CD47: variants seen among roughly 807,000 people sequenced by gnomAD.
CD47 encodes the protein leukocyte surface antigen CD47.
A neutral mutation model predicts 44.6 loss-of-function variants in CD47; 11 were observed. That is an observed-to-expected ratio of 0.25 (90% confidence interval 0.16 to 0.41). CD47 has a LOEUF of 0.41. CD47 is among the 10% of genes least tolerant of loss of function. CD47 has a pLI of 1.00. For synonymous variants in CD47, 140 were observed against 136.3 expected (o/e 1.03, Z -0.19); for missense variants, 306 against 386.7 (o/e 0.79, Z 1.75).
chr3:108,074,326 A>G (rs1010156087), intron 2 of CD47, among the ~76,000 whole-genome samples: 2 of 150,340 alleles, frequency 1.3e-5, no homozygotes, highest in African/African-American at 4.9e-5. Context: ...TTTTTTTTTT[A>G]TTTTTGAGAT....
chr3:108,064,733 C>CTTACCA (rs971651325), intron 3 of CD47, among the ~76,000 whole-genome samples: 1 of 152,100 alleles, frequency 6.6e-6, no homozygotes, highest in Non-Finnish European at 1.5e-5. Flanking sequence ...GACAGGAAGG[C>CTTACCA]TTACCAGGCT....
At position 108,043,512 on chromosome 3, in the gene CD47, GC is replaced by G. The variant is rs2078663255; in HGVS notation, c.*3775del. The G allele has an allele frequency of 6.6e-6, 1 of 152,010 alleles. No individual in the cohort carries two copies. Among genetic ancestry groups the G allele is most frequent in the East Asian group, 1.9e-4 (1 of 5,188 alleles). 9.4% of individuals were successfully genotyped at this position (152,010 alleles called of 1,614,324 possible). A position where few individuals can be genotyped will look rare whatever the true frequency, so the allele number is the denominator to read the frequency against. On this transcript the variant is annotated 3_prime_UTR_variant, in exon 11 of 11. Coordinates refer to ENST00000361309, the MANE Select transcript of CD47 (RefSeq NM_001777.4). ...GTCTTCAAATCACTGCAAAAAAATG[GC>G]TACTGACAAATAGCACACCTTTAAT...
chr3:108,079,567 T>TAAAAAAAAAAAAAAAAAAA (rs71629342), intron 2 of CD47, among the ~76,000 whole-genome samples: 4 of 53,118 alleles, frequency 7.5e-5, no homozygotes, highest in East Asian at 1.0e-3. Flanking sequence ...AGTGTAAGGT[T>TAAAAAAAAAAAAAAAAAAA]AAAAAAAAAA....
chr3:108,090,479 G>A (rs1304109714), intron 1 of CD47, among the ~76,000 whole-genome samples: 1 of 152,168 alleles, frequency 6.6e-6, no homozygotes, highest in African/African-American at 2.4e-5. Context: ...AGAAGGGAGA[G>A]GGGTGCGAAA....
At chr3:108,089,998 G>A (rs912538554) in intron 1 of CD47, among the ~76,000 whole-genome samples, 1 of 151,096 alleles carries the variant, frequency 6.6e-6, no homozygotes, top group Non-Finnish European at 1.5e-5. Context: ...CCAAAAGCTC[G>A]GGGTGGGGGT....
rs189237826 is a variant in CD47 at position 108,051,286 on chromosome 3, C to T, written c.909+653G>A. Among the ~76,000 whole-genome samples, 3 of 152,240 alleles carry T rather than the reference C, an allele frequency of 2.0e-5. No individual in the cohort carries two copies. The East Asian group carries it at 5.8e-4, about 29-fold the overall frequency. ...TCCAGAGCTTATGTCCACAACATAC[C>T]TCTTGGGCCTGTCACTGTGATAAGT... On this transcript the variant is annotated intron_variant, in intron 8 of 10. Coordinates refer to ENST00000361309, the MANE Select transcript of CD47 (RefSeq NM_001777.4).
chr3:108,056,770 A>G (rs1055680312), intron 7 of CD47, among the ~76,000 whole-genome samples: 4 of 152,198 alleles, frequency 2.6e-5, no homozygotes, highest in African/African-American at 9.6e-5. Flanking sequence ...TCAATAAAAA[A>G]TAAGAATTTA....
At chr3:108,059,129 A>G (rs2078968955) in intron 5 of CD47, among the ~76,000 whole-genome samples, 1 of 152,238 alleles carries the variant, frequency 6.6e-6, no homozygotes, top group South Asian at 2.1e-4. Flanking sequence ...AAGAAGAGAA[A>G]GACTGCGTTT....
At chr3:108,063,123 CTT>C (rs1014877051) in intron 3 of CD47, among the ~76,000 whole-genome samples, 57 of 152,310 alleles carry the variant, frequency 3.7e-4, no homozygotes, top group African/African-American at 1.2e-3. Context: ...GTCCGTCTCT[CTT>C]TGAGTATAAG....
chr3:108,087,849 G>C (rs751596887), intron 1 of CD47, among the ~76,000 whole-genome samples: 2 of 152,098 alleles, frequency 1.3e-5, no homozygotes, highest in Non-Finnish European at 2.9e-5. Context: ...ATCGTAAAGA[G>C]GAAAAACCCA....
chr3:108,052,047 G>C, intron 7 of CD47, 77 bp from the exon 8 acceptor site: 1 of 728,144 alleles, frequency 1.4e-6, no homozygotes, highest in South Asian at 1.7e-5. Flanking sequence ...TTAATTTTAA[G>C]ATAAAATGTT....
chr3:108,089,280 G>A (rs1287732264), intron 1 of CD47, among the ~76,000 whole-genome samples: 3 of 151,986 alleles, frequency 2.0e-5, no homozygotes, highest in Non-Finnish European at 4.4e-5. Context: ...TGACTCTAGG[G>A]ATTCGAACAC....
At chr3:108,069,216 CAG>C (rs1260556898) in intron 3 of CD47, among the ~76,000 whole-genome samples, 1 of 152,074 alleles carries the variant, frequency 6.6e-6, no homozygotes, top group East Asian at 1.9e-4. Flanking sequence ...ATATCTTTAG[CAG>C]AGTTATTTTC....
chr3:108,050,892 T>G, intron 8 of CD47: 1 of 404,104 alleles, frequency 2.5e-6, no homozygotes. Flanking sequence ...TCTAAAAATA[T>G]GAAAGTGCAA....
chr3:108,069,687 C>T (rs984700424), intron 3 of CD47, among the ~76,000 whole-genome samples: 6 of 152,018 alleles, frequency 3.9e-5, no homozygotes, highest in Admixed American at 2.0e-4. Context: ...CCAATGATAA[C>T]GTCTGGATCA....
rs1222365570 is a variant in CD47 at position 108,046,231 on chromosome 3, TC to T, written c.*1056del. 6.6e-6 allele frequency: 1 copy of T among 152,650 alleles called. No homozygotes were observed. Among genetic ancestry groups the T allele is most frequent in the Non-Finnish European group, 1.5e-5 (1 of 68,036 alleles). The allele number at this position is 152,650 out of a possible 1,614,324, so 9.5% of individuals were successfully genotyped here. On this transcript the variant is annotated 3_prime_UTR_variant, in exon 11 of 11. Coordinates refer to ENST00000361309, the MANE Select transcript of CD47 (RefSeq NM_001777.4). ...GCAACATAGATACAACAGTAATAAA[TC>T]CCCATTCAAGGGCTGGCCTGTTGGC...
intron 1 of CD47, among the ~76,000 whole-genome samples, chr3:108,081,821 G>C (rs2079425588): frequency 6.6e-6 from 1 of 151,840 alleles, no homozygotes; most frequent in African/African-American, 2.4e-5. Flanking sequence ...AGATAATCTG[G>C]CATTTTAATG....
At chr3:108,066,028 G>A (rs1043062005) in intron 3 of CD47, among the ~76,000 whole-genome samples, 1 of 151,964 alleles carries the variant, frequency 6.6e-6, no homozygotes, top group African/African-American at 2.4e-5. Context: ...GAAATTTCCT[G>A]TTCCATTACT....
intron 1 of CD47, among the ~76,000 whole-genome samples, chr3:108,084,599 T>A (rs916676059): frequency 9.9e-5 from 15 of 152,114 alleles, no homozygotes; most frequent in African/African-American, 3.6e-4. Flanking sequence ...CAGCCAACTG[T>A]CTGCTGTGCA....
Sources: allele counts gnomAD v4.1 joint callset (sites outside exome capture counted in the v4.1 genomes callset), GRCh38; gene constraint gnomAD v4.1.1; transcripts MANE v1.5; gene names NCBI Gene and HGNC (gene_info 2026-07-23, HGNC 2026-07-21).